PGR: variants seen among roughly 807,000 people sequenced by gnomAD.
PGR encodes nuclear receptor subfamily 3 group C member 3.
A neutral mutation model predicts 76.1 loss-of-function variants in PGR; 25 were observed. The observed-to-expected ratio is 0.33, with a 90% CI of 0.24 to 0.46. The LOEUF (loss-of-function observed/expected upper bound fraction) is 0.46. Ranked by LOEUF, PGR falls within the 20% of genes least tolerant of loss-of-function variation. PGR has a pLI of 1.00. For missense variants in PGR, 1,172 were observed against 1,225.3 expected (o/e 0.96, Z 0.65); for synonymous variants, 579 against 535.0 (o/e 1.08, Z -1.14).
chr11:101,121,807 C>T (rs1862686126), intron 2 of PGR, among the ~76,000 whole-genome samples: 1 of 152,136 alleles, frequency 6.6e-6, no homozygotes, highest in South Asian at 2.1e-4. Context: ...ATGGCAGGTA[C>T]TCAATAAATA....
intron 3 of PGR, among the ~76,000 whole-genome samples, chr11:101,071,578 G>GA (rs1191767890): frequency 6.6e-6 from 1 of 151,684 alleles, no homozygotes; most frequent in Non-Finnish European, 1.5e-5. Flanking sequence ...TAAGAACCTT[G>GA]AAAAAAGGTT....
rs752016304 is a variant in PGR at position 101,128,279 on chromosome 11, G to A, written c.792C>T (p.Gly264=). 2.5e-6 allele frequency: 4 copies of A among 1,590,368 alleles called. No individual in the cohort carries two copies. Among genetic ancestry groups the A allele is most frequent in the Non-Finnish European group, 3.4e-6 (4 of 1,174,714 alleles). ...AAVPPGAAAG[G]VALVPKEDSR... is the part of the protein sequence containing the mutation. The stretch of plus-strand genomic sequence containing the variant: ...AATCTTCCTTGGGGACCAGGGCGAC[G>A]CCTCCTGCTGCCGCCCCCGGCGGGA... The change falls in exon 1 of 8, where the codon GGC becomes GGT. Residue 264 remains glycine, a synonymous_variant. Coordinates refer to ENST00000325455, the MANE Select transcript of PGR (RefSeq NM_000926.4).
chr11:101,053,644 CTCCCCTTTTCCCTCCTTTCTTTCT>C (rs1860183408), intron 4 of PGR, among the ~76,000 whole-genome samples: 1 of 131,106 alleles, frequency 7.6e-6, no homozygotes, highest in Non-Finnish European at 1.7e-5. Flanking sequence ...CCTTTCTTCC[CTCCCCTTTTCCCTCCTTTCTTTCT>C]TCCCCTTCTC....
chr11:101,033,709 A>G lies in PGR; in HGVS notation c.*5407T>C. The G allele has an allele frequency of 4.9e-6, 1 of 203,704 alleles. No individual in the cohort carries two copies. The highest frequency in any genetic ancestry group is 7.6e-5 in the East Asian group (1 of 13,122). 12.6% of individuals were successfully genotyped at this position (203,704 alleles called of 1,614,324 possible). A position where few individuals can be genotyped will look rare whatever the true frequency, so the allele number is the denominator to read the frequency against. On this transcript the variant is annotated 3_prime_UTR_variant, in exon 8 of 8. Transcript: ENST00000325455. ...CTTTTCTGGGGGAGGAGAAAATAAA[A>G]GGTATTTTTAGTGGCAAAAAGCTTG... is the stretch of plus-strand genomic sequence containing the variant.
intron 6 of PGR, among the ~76,000 whole-genome samples, chr11:101,043,736 A>G (rs1045712144): frequency 5.3e-4 from 81 of 152,202 alleles, no homozygotes; most frequent in African/African-American, 2.0e-3. Context: ...ATCTCCTTGT[A>G]TATATCCATA....
chr11:101,125,013 GAAAC>G (rs1315007941), intron 2 of PGR, among the ~76,000 whole-genome samples: 5 of 151,862 alleles, frequency 3.3e-5, no homozygotes, highest in Non-Finnish European at 5.9e-5. Flanking sequence ...GAGGGCTGTT[GAAAC>G]AAACAAACAA....
At chr11:101,094,923 T>C (rs1199154483) in intron 2 of PGR, among the ~76,000 whole-genome samples, 1 of 152,146 alleles carries the variant, frequency 6.6e-6, no homozygotes, top group Non-Finnish European at 1.5e-5. Context: ...GTCCTTTTTA[T>C]CCTTTCTGCC....
chr11:101,036,739 AC>A lies in PGR; in HGVS notation c.*2376del, dbSNP rs1375236587. On this transcript the variant is annotated 3_prime_UTR_variant, in exon 8 of 8. Coordinates refer to ENST00000325455, the MANE Select transcript of PGR (RefSeq NM_000926.4). ...AACATCGAAGATATCAAACATTTTAACAAAAGCCAAACCTGTGGCCACCACA... is the reference window on the plus strand; with the variant it reads ...AACATCGAAGATATCAAACATTTTAAAAAAGCCAAACCTGTGGCCACCACA... The A allele has an allele frequency of 5.0e-6, 1 of 200,950 alleles. No individual in the cohort carries two copies. The highest frequency in any genetic ancestry group is 1.0e-5 in the Non-Finnish European group (1 of 97,426). The allele number at this position is 200,950 out of a possible 1,614,324, so 12.4% of individuals were successfully genotyped here.
chr11:101,064,019 T>C (rs768933612), intron 3 of PGR: 8 of 152,016 alleles, frequency 5.3e-5, no homozygotes, highest in Non-Finnish European at 1.0e-4. Context: ...GAAAAAGGAT[T>C]ATACTTGTTC....
intron 6 of PGR, among the ~76,000 whole-genome samples, chr11:101,046,927 T>G (rs1034914686): frequency 1.3e-5 from 2 of 152,200 alleles, no homozygotes; most frequent in African/African-American, 4.8e-5. Context: ...ATTTTTATAA[T>G]GCTTATCTAT....
chr11:101,117,603 C>T (rs576168049), intron 2 of PGR, among the ~76,000 whole-genome samples: 2 of 151,752 alleles, frequency 1.3e-5, no homozygotes, highest in Non-Finnish European at 2.9e-5. Flanking sequence ...TTTTAGGTTT[C>T]TTTTCTTCAA....
intron 3 of PGR, among the ~76,000 whole-genome samples, chr11:101,068,507 G>GA (rs1402458712): frequency 1.3e-5 from 2 of 151,936 alleles, no homozygotes; most frequent in African/African-American, 2.4e-5. Context: ...CACAAAATTA[G>GA]AAAAAAATTA....
At position 101,129,073 on chromosome 11, in the gene PGR, C is replaced by G; in HGVS notation, c.-3G>C. On this transcript the variant is annotated 5_prime_UTR_variant, in exon 1 of 8. Coordinates refer to ENST00000325455, the MANE Select transcript of PGR (RefSeq NM_000926.4). ...CCCTTTGCCTTCAGCTCAGTCATGA[C>G]GACTGGACTCCCCTTTTCTCCTCCC... 1.3e-6 allele frequency: 2 copies of G among 1,529,636 alleles called. No individual in the cohort carries two copies. Among genetic ancestry groups the G allele is most frequent in the South Asian group, 1.2e-5 (1 of 82,516 alleles). 94.8% of individuals were successfully genotyped at this position (1,529,636 alleles called of 1,614,324 possible). A position where few individuals can be genotyped will look rare whatever the true frequency, so the allele number is the denominator to read the frequency against.
chr11:101,091,627 G>A, intron 3 of PGR, 133 bp downstream of exon 3: 1 of 689,738 alleles, frequency 1.4e-6, no homozygotes, highest in East Asian at 2.7e-5. Flanking sequence ...ACACTCACAT[G>A]TGCAGAGTCA....
intron 2 of PGR, among the ~76,000 whole-genome samples, chr11:101,099,267 G>T (rs1330182426): frequency 6.6e-6 from 1 of 152,148 alleles, no homozygotes; most frequent in Non-Finnish European, 1.5e-5. Flanking sequence ...GCAAAATGTG[G>T]ATGAACTACA....
chr11:101,056,057 T>C (rs190976908), intron 4 of PGR, among the ~76,000 whole-genome samples: 2 of 152,310 alleles, frequency 1.3e-5, no homozygotes, highest in East Asian at 3.9e-4. Context: ...GCTATTTTTT[T>C]CCTTATTAAC....
chr11:101,110,685 TGA>T (rs1180963788), intron 2 of PGR, among the ~76,000 whole-genome samples: 1 of 152,218 alleles, frequency 6.6e-6, no homozygotes, highest in East Asian at 1.9e-4. Context: ...CAGCAGGTTT[TGA>T]GAAAAGTGAC....
At chr11:101,042,243 G>A (rs1270983644) in intron 6 of PGR, 141 bp from the exon 7 acceptor site, 1 of 738,578 alleles carries the variant, frequency 1.4e-6, no homozygotes, top group Non-Finnish European at 2.2e-6. Context: ...GAAAGAGATA[G>A]TGTTATTGAT....
At chr11:101,099,911 G>T (rs1021663587) in intron 2 of PGR, among the ~76,000 whole-genome samples, 44 of 152,222 alleles carry the variant, frequency 2.9e-4, no homozygotes, top group African/African-American at 1.0e-3. Flanking sequence ...GTCATTGGGT[G>T]AGTGTAGGCA....
Sources: allele counts gnomAD v4.1 joint callset (sites outside exome capture counted in the v4.1 genomes callset), GRCh38; gene constraint gnomAD v4.1.1; transcripts MANE v1.5; gene names NCBI Gene and HGNC (gene_info 2026-07-23, HGNC 2026-07-21).